CAMK2A: variants seen among roughly 807,000 people sequenced by gnomAD.
CAMK2A encodes the protein calcium/calmodulin dependent protein kinase II alpha.
In CAMK2A, 7 loss-of-function variants were observed where a neutral mutation model predicts 79.2. The ratio of observed to expected loss-of-function variants is 0.09; its 90% CI spans 0.05 to 0.17. The LOEUF is 0.17. Ranked by LOEUF, CAMK2A falls within the 10% of genes least tolerant of loss-of-function variation. The pLI is 1.00. For synonymous variants in CAMK2A, 242 were observed against 251.7 expected, an observed-to-expected ratio of 0.96 and a Z score of 0.36; for missense variants, 214 against 646.4, an observed-to-expected ratio of 0.33 and a Z score of 7.25.
intron 18 of CAMK2A, 102 bp downstream of exon 18, chr5:150,222,887 C>A: frequency 7.1e-7 from 1 of 1,399,938 alleles, no homozygotes; most frequent in African/African-American, 1.4e-5. Flanking sequence ...CACTCTGCAG[C>A]CTTTCAGAGC....
At chr5:150,259,142 T>A (rs1481050453) in intron 3 of CAMK2A, among the ~76,000 whole-genome samples, 2 of 151,734 alleles carry the variant, frequency 1.3e-5, no homozygotes, top group African/African-American at 4.9e-5. Flanking sequence ...ATCGTGCCAC[T>A]GCACTACAGC....
chr5:150,265,257 A>T (rs559158251), intron 2 of CAMK2A: 9 of 499,132 alleles, frequency 1.8e-5, no homozygotes, highest in African/African-American at 1.7e-4. Flanking sequence ...CTCCGTTTCC[A>T]TGATTCTTAA....
At chr5:150,263,197 A>G (rs970292218) in intron 3 of CAMK2A, among the ~76,000 whole-genome samples, 2 of 152,218 alleles carry the variant, frequency 1.3e-5, no homozygotes, top group Non-Finnish European at 2.9e-5. Flanking sequence ...CAGCAAACTC[A>G]GGATTTGAGC....
intron 18 of CAMK2A, 63 bp from the exon 19 acceptor site, chr5:150,222,776 C>T (rs527799073): frequency 9.4e-6 from 15 of 1,604,252 alleles, no homozygotes; most frequent in African/African-American, 1.3e-5. Context: ...AACCCACCCA[C>T]CCTGCCGCTT....
At chr5:150,288,763 C>G (rs533919622) in intron 1 of CAMK2A, among the ~76,000 whole-genome samples, 2 of 152,298 alleles carry the variant, frequency 1.3e-5, no homozygotes, top group African/African-American at 4.8e-5. Flanking sequence ...CCCTGACACT[C>G]CACACCCTAC....
chr5:150,245,392 G>A, intron 12 of CAMK2A, 191 bp from the exon 13 acceptor site: 1 of 606,180 alleles, frequency 1.6e-6, no homozygotes, highest in Non-Finnish European at 2.9e-6. Flanking sequence ...TGGAGGCCCA[G>A]GGACTGCCTG....
At chr5:150,228,330 T>A in intron 16 of CAMK2A, 44 bp from the exon 17 acceptor site, 3 of 1,400,850 alleles carry the variant, frequency 2.1e-6, no homozygotes, top group Non-Finnish European at 3.0e-6. Flanking sequence ...GGGCGGCTTC[T>A]CATTGGACCC....
At chr5:150,242,729 C>T (rs765453371) in intron 13 of CAMK2A, among the ~76,000 whole-genome samples, 4 of 152,192 alleles carry the variant, frequency 2.6e-5, no homozygotes, top group Non-Finnish European at 5.9e-5. Flanking sequence ...TCTTGACTTG[C>T]GATCCAGTTT....
chr5:150,265,448 T>C lies in CAMK2A; in HGVS notation c.158-433A>G, dbSNP rs187990109. On this transcript the variant is annotated intron_variant, in intron 2 of 18. Coordinates refer to ENST00000671881, the MANE Select transcript of CAMK2A (RefSeq NM_015981.4). ...ACTCTACCTCCCACCTGCCGTTCACTGGCCATCACTCACTCCTACCAATCC... is the reference window on the plus strand; with the variant it reads ...ACTCTACCTCCCACCTGCCGTTCACCGGCCATCACTCACTCCTACCAATCC... 369 of 169,532 alleles carry C rather than the reference T, an allele frequency of 2.2e-3. 2 individuals are homozygous for C. The highest frequency in any genetic ancestry group is 7.7e-3 in the African/African-American group (326 of 42,392). 10.5% of individuals were successfully genotyped at this position (169,532 alleles called of 1,614,324 possible). A position where few individuals can be genotyped will look rare whatever the true frequency, so the allele number is the denominator to read the frequency against.
Position 150,245,143 on chromosome 5 carries a change from G to C in CAMK2A, c.984+18C>G. The C allele has an allele frequency of 1.2e-6, 2 of 1,612,812 alleles. No homozygotes were observed. The highest frequency in any genetic ancestry group is 8.5e-7 in the Non-Finnish European group (1 of 1,179,234). ...CGCTGCCAGAGCCAAGCCCTGCCAGGCTCCTGGAGGGGCTTACCTTCACAC... is the reference window on the plus strand; with the variant it reads ...CGCTGCCAGAGCCAAGCCCTGCCAGCCTCCTGGAGGGGCTTACCTTCACAC... On this transcript the variant is annotated intron_variant, in intron 13 of 18. Coordinates refer to ENST00000671881, the MANE Select transcript of CAMK2A (RefSeq NM_015981.4).
chr5:150,270,637 C>T (rs1401836904), intron 2 of CAMK2A, among the ~76,000 whole-genome samples: 1 of 151,600 alleles, frequency 6.6e-6, no homozygotes, highest in East Asian at 1.9e-4. Context: ...AAGAATCCTG[C>T]TAAAAGAAGC....
intron 3 of CAMK2A, among the ~76,000 whole-genome samples, chr5:150,262,400 G>A (rs1756338415): frequency 6.6e-6 from 1 of 152,170 alleles, no homozygotes; most frequent in Admixed American, 6.5e-5. Flanking sequence ...ATGCTTGGAG[G>A]ATCAGGAAGT....
chr5:150,228,110 T>C (rs1366907326), intron 17 of CAMK2A, 82 bp downstream of exon 17: 2 of 1,241,856 alleles, frequency 1.6e-6, no homozygotes, highest in Non-Finnish European at 1.1e-6. Context: ...CCTGGGGCCC[T>C]GCCCGTCACC....
chr5:150,237,757 G>C (rs1277899186), intron 15 of CAMK2A, among the ~76,000 whole-genome samples: 2 of 152,220 alleles, frequency 1.3e-5, no homozygotes, highest in Non-Finnish European at 1.5e-5. Context: ...CAGGAAGTCA[G>C]TCCAGATAAG....
chr5:150,230,719 A>C (rs1216246107), intron 16 of CAMK2A, among the ~76,000 whole-genome samples: 1 of 152,210 alleles, frequency 6.6e-6, no homozygotes, highest in Non-Finnish European at 1.5e-5. Context: ...TGCCCCTCCA[A>C]AGGCAAGTCC....
intron 2 of CAMK2A, among the ~76,000 whole-genome samples, chr5:150,266,871 G>A (rs1042056351): frequency 6.6e-6 from 1 of 152,128 alleles, no homozygotes; most frequent in Non-Finnish European, 1.5e-5. Context: ...TGCGGGTGGG[G>A]GGGTGGTGAG....
chr5:150,266,101 C>A (rs1756502539), intron 2 of CAMK2A, among the ~76,000 whole-genome samples: 1 of 152,126 alleles, frequency 6.6e-6, no homozygotes. Flanking sequence ...ACACAGAGAG[C>A]CCCAAAGAAT....
intron 3 of CAMK2A, among the ~76,000 whole-genome samples, chr5:150,263,362 ACT>A (rs1756371850): frequency 6.6e-6 from 1 of 151,832 alleles, no homozygotes; most frequent in South Asian, 2.1e-4. Context: ...ATTCACACAC[ACT>A]CACATACATG....
intron 1 of CAMK2A, among the ~76,000 whole-genome samples, chr5:150,273,862 T>C (rs1485297081): frequency 2.0e-5 from 3 of 152,244 alleles, no homozygotes; most frequent in Admixed American, 2.0e-4. Context: ...TTACAAACAA[T>C]GCTACAATGA....
Sources: allele counts gnomAD v4.1 joint callset (sites outside exome capture counted in the v4.1 genomes callset), GRCh38; gene constraint gnomAD v4.1.1; transcripts MANE v1.5; gene names NCBI Gene and HGNC (gene_info 2026-07-23, HGNC 2026-07-21).